The following PRMT8 variants were observed in gnomAD, a reference collection of about 807,000 sequenced individuals.
PRMT8 encodes protein arginine methyltransferase 8.
PRMT8 carries 7 observed loss-of-function variants against 47.1 expected under a neutral mutation model. That is an observed-to-expected ratio of 0.15 (90% CI 0.08 to 0.28). PRMT8 has a LOEUF of 0.28. Ranked by LOEUF, PRMT8 falls within the 10% of genes least tolerant of loss-of-function variation. The pLI is 1.00. For missense variants in PRMT8, 237 were observed against 505.4 expected (o/e 0.47, Z 5.09); for synonymous variants, 188 against 186.5 (o/e 1.01, Z -0.07).
rs995875388 is a variant in PRMT8, at chr12:3,557,233, A to G, written c.481+3519A>G. Among the ~76,000 whole-genome samples the G allele has an allele frequency of 6.6e-6, 1 of 152,052 alleles. No homozygotes were observed. Among genetic ancestry groups the G allele is most frequent in the Non-Finnish European group, 1.5e-5 (1 of 68,012 alleles). ...CTTGCTGTTGTGTGATCTTTCTCTT[A>G]CCACTCTCAGGAGCTCGAGTGCGAT... On this transcript the variant is annotated intron_variant, in intron 4 of 9. Coordinates refer to ENST00000382622, the MANE Select transcript of PRMT8 (RefSeq NM_019854.5). The surrounding 1 kb of genome is among the most constrained non-coding windows in gnomAD (Gnocchi z 4.7).
chr12:3,556,060 G>T (rs1181411910), intron 4 of PRMT8, among the ~76,000 whole-genome samples: 1 of 152,104 alleles, frequency 6.6e-6, no homozygotes, highest in African/African-American at 2.4e-5. Flanking sequence ...TCATGGGGGT[G>T]GCAGGAGTGA....
Position 3,580,382 on chromosome 12 carries a change from G to A in PRMT8, c.829-2676G>A, listed in dbSNP as rs1199658816. Among the ~76,000 whole-genome samples, 6 of 151,652 alleles carry A rather than the reference G, an allele frequency of 4.0e-5. No homozygotes were observed. Among genetic ancestry groups the A allele is most frequent in the Admixed American group, 6.6e-5 (1 of 15,202 alleles). ...TGTGTGTGTGTACGCGTGCGCATGCGGGATAGAAGGAGAAAGTAACCACGT... is the reference window on the plus strand; with the variant it reads ...TGTGTGTGTGTACGCGTGCGCATGCAGGATAGAAGGAGAAAGTAACCACGT... On this transcript the variant is annotated intron_variant, in intron 7 of 9. Transcript: ENST00000382622. This position sits in a 1 kb window ranked among gnomAD's most constrained non-coding sequence, Gnocchi z 4.6.
chr12:3,527,487 T>G (rs1480760175), intron 1 of PRMT8, among the ~76,000 whole-genome samples: 1 of 152,138 alleles, frequency 6.6e-6, no homozygotes, highest in Non-Finnish European at 1.5e-5. Flanking sequence ...AATTTTCCAT[T>G]TAATATTTTC....
chr12:3,420,461 C>G (rs1864529595), intron 1 of PRMT8, among the ~76,000 whole-genome samples: 1 of 152,170 alleles, frequency 6.6e-6, no homozygotes, highest in African/African-American at 2.4e-5. Flanking sequence ...TATGAGCCTC[C>G]ATGGTGGGAG....
At chr12:3,457,118 G>A (rs1591555411) in intron 1 of PRMT8, among the ~76,000 whole-genome samples, 1 of 152,186 alleles carries the variant, frequency 6.6e-6, no homozygotes, top group African/African-American at 2.4e-5. Context: ...TAAAGGGGAG[G>A]TGCTGTTTGG....
chr12:3,549,669 A>G (rs1196741028), intron 2 of PRMT8, among the ~76,000 whole-genome samples: 5 of 152,160 alleles, frequency 3.3e-5, no homozygotes, highest in African/African-American at 1.2e-4. Flanking sequence ...CCTTTAGTAA[A>G]TCAGAGCTTT....
chr12:3,556,423 G>T (rs1425484838), intron 4 of PRMT8, among the ~76,000 whole-genome samples: 1 of 152,090 alleles, frequency 6.6e-6, no homozygotes, highest in South Asian at 2.1e-4. Context: ...AGCCCAGGGA[G>T]GGGGGCTTGC....
intron 1 of PRMT8, among the ~76,000 whole-genome samples, chr12:3,441,907 G>A (rs369238499): frequency 6.6e-5 from 10 of 152,182 alleles, no homozygotes; most frequent in East Asian, 3.8e-4. Context: ...TTAGAAACAG[G>A]TAACAGAAAT....
chr12:3,423,482 G>A (rs1038352801), intron 1 of PRMT8, among the ~76,000 whole-genome samples: 6 of 152,154 alleles, frequency 3.9e-5, no homozygotes, highest in African/African-American at 1.4e-4. Context: ...TTCTCAGAGG[G>A]CCATTTTTCA....
chr12:3,429,755 C>A (rs1319963913), intron 1 of PRMT8, among the ~76,000 whole-genome samples: 1 of 152,246 alleles, frequency 6.6e-6, no homozygotes, highest in East Asian at 1.9e-4. Context: ...TCCCGGTGTT[C>A]AGCCACTGTG....
intron 1 of PRMT8, among the ~76,000 whole-genome samples, chr12:3,440,539 A>T (rs1415085699): frequency 3.9e-5 from 6 of 152,184 alleles, no homozygotes; most frequent in African/African-American, 1.4e-4. Flanking sequence ...AGTAACATAC[A>T]TGTGATGTCA....
chr12:3,537,091 G>A (rs763245794), intron 1 of PRMT8, among the ~76,000 whole-genome samples: 4 of 152,146 alleles, frequency 2.6e-5, no homozygotes, highest in Non-Finnish European at 4.4e-5. Flanking sequence ...TTTACCAAAC[G>A]GCCTTTCTAA....
At chr12:3,412,056 ATTTT>A (rs1235125220) in intron 1 of PRMT8, among the ~76,000 whole-genome samples, 1 of 152,134 alleles carries the variant, frequency 6.6e-6, no homozygotes, top group Admixed American at 6.5e-5. Flanking sequence ...TTGTTAGGTG[ATTTT>A]ATTGTTGTAC....
At chr12:3,458,552 A>G (rs1458449930) in intron 1 of PRMT8, among the ~76,000 whole-genome samples, 1 of 152,238 alleles carries the variant, frequency 6.6e-6, no homozygotes, top group Non-Finnish European at 1.5e-5. Context: ...ACAAAATCAG[A>G]ACAGCAGCCA....
chr12:3,406,795 A>G (rs2137053886), intron 1 of PRMT8, among the ~76,000 whole-genome samples: 1 of 152,268 alleles, frequency 6.6e-6, no homozygotes, highest in East Asian at 1.9e-4. Context: ...GAGCCCTCCA[A>G]GTCTCTAGGA....
chr12:3,560,667 A>T (rs1033474184), intron 4 of PRMT8, among the ~76,000 whole-genome samples: 2 of 152,218 alleles, frequency 1.3e-5, no homozygotes, highest in South Asian at 4.1e-4. Context: ...TCAAGGAAAA[A>T]AGCATGCCCC....
intron 9 of PRMT8, 53 bp downstream of exon 9, chr12:3,592,405 C>T: frequency 2.6e-6 from 4 of 1,566,698 alleles, no homozygotes; most frequent in Non-Finnish European, 2.6e-6. Flanking sequence ...ACAGAGCTGG[C>T]TCGCTCAGGA....
intron 2 of PRMT8, among the ~76,000 whole-genome samples, chr12:3,543,814 A>G (rs575899748): frequency 1.3e-5 from 2 of 152,258 alleles, no homozygotes; most frequent in African/African-American, 4.8e-5. Context: ...CTTGAACAGG[A>G]GCTGAAGTGG....
intron 1 of PRMT8, among the ~76,000 whole-genome samples, chr12:3,477,798 C>G (rs1017949210): frequency 6.6e-6 from 1 of 152,170 alleles, no homozygotes; most frequent in Non-Finnish European, 1.5e-5. Flanking sequence ...CTTGGAGGAA[C>G]AAGAGAACTA....
Sources: allele counts gnomAD v4.1 joint callset (sites outside exome capture counted in the v4.1 genomes callset), GRCh38; gene constraint gnomAD v4.1.1; non-coding constraint Gnocchi (gnomAD v3.1); transcripts MANE v1.5; gene names NCBI Gene and HGNC (gene_info 2026-07-23, HGNC 2026-07-21).